The following GPC6 variants were observed in gnomAD, a reference collection of about 807,000 sequenced individuals.
The protein encoded by GPC6 is glypican 6, also known as glypican-6.
Under a neutral mutation model 55.2 loss-of-function variants are expected in GPC6, and 14 were observed. The observed-to-expected ratio is 0.25, with a 90% CI of 0.17 to 0.40. The LOEUF (loss-of-function observed/expected upper bound fraction) is 0.40. Ranked by LOEUF, GPC6 falls within the 10% of genes least tolerant of loss-of-function variation. GPC6 has a pLI of 1.00. For synonymous variants in GPC6, 278 were observed against 259.6 expected (o/e 1.07, Z -0.68); for missense variants, 641 against 708.5 (o/e 0.90, Z 1.08).
intron 3 of GPC6, among the ~76,000 whole-genome samples, chr13:93,918,796 A>T (rs1326303810): frequency 1.3e-5 from 2 of 152,162 alleles, no homozygotes; most frequent in African/African-American, 4.8e-5. Context: ...CTATTTCAAG[A>T]TCTTCATTGG....
At chr13:94,362,467 G>A (rs1879101914) in intron 6 of GPC6, among the ~76,000 whole-genome samples, 1 of 152,136 alleles carries the variant, frequency 6.6e-6, no homozygotes, top group Non-Finnish European at 1.5e-5. Context: ...TCAGTTTCAA[G>A]TTTAAAATAA....
intron 2 of GPC6, among the ~76,000 whole-genome samples, chr13:93,587,747 A>G (rs1455466579): frequency 6.6e-6 from 1 of 152,140 alleles, no homozygotes; most frequent in African/African-American, 2.4e-5. Context: ...AAGGCTTTCT[A>G]GGGCTCTTTA....
chr13:93,912,095 G>A (rs1227095147), intron 3 of GPC6, among the ~76,000 whole-genome samples: 5 of 151,808 alleles, frequency 3.3e-5, no homozygotes, highest in Non-Finnish European at 5.9e-5. Context: ...TGATTTGTTT[G>A]TTAATTACAA....
intron 3 of GPC6, among the ~76,000 whole-genome samples, chr13:93,903,842 T>C (rs1876490628): frequency 6.6e-6 from 1 of 152,068 alleles, no homozygotes; most frequent in Non-Finnish European, 1.5e-5. Flanking sequence ...ATTTCCCACA[T>C]TCTCTGTGAC....
At chr13:94,277,277 GT>G (rs58525523) in intron 4 of GPC6, among the ~76,000 whole-genome samples, 90,547 of 148,448 alleles carry the variant, frequency 0.61, 28,081 homozygotes, top group African/African-American at 0.75. Context: ...TTTTTGATGG[GT>G]TTTTTTTTTT....
At chr13:93,253,696 G>A (rs1842159656) in intron 1 of GPC6, among the ~76,000 whole-genome samples, 2 of 152,092 alleles carry the variant, frequency 1.3e-5, no homozygotes, top group Non-Finnish European at 1.5e-5. Flanking sequence ...TTAATATGGA[G>A]GCTACATTCC....
At chr13:93,666,087 A>T (rs182201629) in intron 2 of GPC6, among the ~76,000 whole-genome samples, 1 of 152,306 alleles carries the variant, frequency 6.6e-6, no homozygotes, top group Admixed American at 6.5e-5. Flanking sequence ...AACTGAAGCT[A>T]TTATTGTTTG....
chr13:94,385,661 A>C (rs1024109922), intron 7 of GPC6, among the ~76,000 whole-genome samples: 5 of 152,096 alleles, frequency 3.3e-5, no homozygotes, highest in African/African-American at 1.2e-4. Context: ...CTAGCAGGGA[A>C]TCCTAATATT....
intron 4 of GPC6, among the ~76,000 whole-genome samples, chr13:94,228,512 AT>A (rs201503842): frequency 1.3e-5 from 2 of 150,798 alleles, no homozygotes; most frequent in African/African-American, 2.4e-5. Context: ...TTTACATGAG[AT>A]TTTTTTTTGT....
rs146500213 is a variant in GPC6, at chr13:93,973,502, C to CA, written c.712-54220dup. Among the ~76,000 whole-genome samples, 1,315 of 151,164 alleles carry CA rather than the reference C, an allele frequency of 8.7e-3. 18 individuals carry two copies. The highest frequency in any genetic ancestry group is 0.03 in the African/African-American group (1,253 of 41,226). ...TGCCCTTTGATACAGTTAATTAAGC[C>CA]AAAAAAAGGCATGATCTCTTATCTA... On this transcript the variant is annotated intron_variant, in intron 3 of 8. Transcript: ENST00000377047.
chr13:93,623,595 A>G (rs2139560954), intron 2 of GPC6, among the ~76,000 whole-genome samples: 1 of 151,186 alleles, frequency 6.6e-6, no homozygotes, highest in Non-Finnish European at 1.5e-5. Context: ...AGTAGTTGGA[A>G]TTACAGGCAC....
intron 1 of GPC6, among the ~76,000 whole-genome samples, chr13:93,350,717 T>C (rs1004312082): frequency 1.3e-5 from 2 of 152,186 alleles, no homozygotes; most frequent in African/African-American, 4.8e-5. Flanking sequence ...CAGAGAATCT[T>C]AAGTAGATCA....
Position 93,759,189 on chromosome 13 carries a change from C to T in GPC6, c.320-70965C>T, listed in dbSNP as rs139256627. Among the ~76,000 whole-genome samples the T allele has an allele frequency of 2.8e-3, 422 of 152,248 alleles. 3 individuals are homozygous for T. The highest frequency in any genetic ancestry group is 5.0e-3 in the Non-Finnish European group (337 of 68,014). On this transcript the variant is annotated intron_variant, in intron 2 of 8. Transcript: ENST00000377047. ...TGTATATTTGCTGATTATAACACTTCTCTGGCTACATCATAATATGTTTTC... is the reference window on the plus strand; with the variant it reads ...TGTATATTTGCTGATTATAACACTTTTCTGGCTACATCATAATATGTTTTC...
chr13:94,241,462 A>G (rs74105754), intron 4 of GPC6, among the ~76,000 whole-genome samples: 7,617 of 152,254 alleles, frequency 0.05, 246 homozygotes, highest in African/African-American at 0.079. Flanking sequence ...CTCATTATAC[A>G]TATTTTCACA....
chr13:94,080,542 T>G (rs890645100), intron 4 of GPC6, among the ~76,000 whole-genome samples: 1 of 152,202 alleles, frequency 6.6e-6, no homozygotes, highest in African/African-American at 2.4e-5. Flanking sequence ...TCTAAGGGTA[T>G]GTTTAACTAC....
chr13:94,004,479 C>T (rs1020263343), intron 3 of GPC6, among the ~76,000 whole-genome samples: 1 of 152,106 alleles, frequency 6.6e-6, no homozygotes, highest in East Asian at 1.9e-4. Context: ...ACAAACAGCA[C>T]TTGGAACATA....
At chr13:93,983,543 C>T (rs1177256364) in intron 3 of GPC6, among the ~76,000 whole-genome samples, 1 of 151,982 alleles carries the variant, frequency 6.6e-6, no homozygotes, top group South Asian at 2.1e-4. Flanking sequence ...TCAAGCAATC[C>T]TCCCACATCA....
In GPC6 at chr13:94,181,126, T is replaced by C. The variant is rs562554080; in HGVS notation, c.878-105223T>C. ...AGAGCTCTGGACTCATCAATCGTAT[T>C]TCCCCCTTATACCAGGTAGCCATGA... On this transcript the variant is annotated intron_variant, in intron 4 of 8. Transcript: ENST00000377047. Among the ~76,000 whole-genome samples the C allele has an allele frequency of 3.9e-5, 6 of 152,276 alleles. No homozygotes were observed. The South Asian group carries it at 1.2e-3, about 32-fold the overall frequency.
chr13:94,270,836 C>T (rs1026659003), intron 4 of GPC6, among the ~76,000 whole-genome samples: 12 of 152,050 alleles, frequency 7.9e-5, no homozygotes, highest in African/African-American at 2.9e-4. Context: ...AGTCCGAACA[C>T]TAAGAGAAGT....
Sources: allele counts gnomAD v4.1 joint callset (sites outside exome capture counted in the v4.1 genomes callset), GRCh38; gene constraint gnomAD v4.1.1; transcripts MANE v1.5; gene names NCBI Gene and HGNC (gene_info 2026-07-23, HGNC 2026-07-21).